ARHGAP28: variants seen among roughly 807,000 people sequenced by gnomAD.
ARHGAP28 encodes the protein rho GTPase-activating protein 28.
In ARHGAP28, 56 loss-of-function variants were observed where a neutral mutation model predicts 90.7. That is an observed-to-expected ratio of 0.62 (90% CI 0.50 to 0.77). The LOEUF (loss-of-function observed/expected upper bound fraction) is 0.77, where lower values mean the gene tolerates loss of function less well. Among genes scored for constraint, ARHGAP28 ranks in the 30% least tolerant of loss-of-function variants. The pLI, the probability that ARHGAP28 is intolerant of heterozygous loss-of-function variation, is 0.00. For missense variants in ARHGAP28, 869 were observed against 900.9 expected (o/e 0.96, Z 0.45); for synonymous variants, 308 against 323.3 (o/e 0.95, Z 0.51).
chr18:6,879,216 G>T (rs539767541), intron 10 of ARHGAP28, among the ~76,000 whole-genome samples: 2 of 152,256 alleles, frequency 1.3e-5, no homozygotes, highest in East Asian at 3.9e-4. Flanking sequence ...AGAAATTTGA[G>T]CCAAACACCG....
At chr18:6,890,592 C>T (rs1116756) in intron 14 of ARHGAP28, 49 bp downstream of exon 14, 675,452 of 1,207,308 alleles carry the variant, frequency 0.56, 190,191 homozygotes, top group East Asian at 0.69. Context: ...TAGATTTGTA[C>T]TCCTCAAAGG....
chr18:6,769,512 T>G (rs2056225756), intron 1 of ARHGAP28, among the ~76,000 whole-genome samples: 1 of 152,244 alleles, frequency 6.6e-6, no homozygotes, highest in African/African-American at 2.4e-5. Flanking sequence ...TTAAGGGATT[T>G]GCATTCATAA....
chr18:6,825,076 T>A, intron 2 of ARHGAP28, 112 bp downstream of exon 2: 1 of 1,004,962 alleles, frequency 1.0e-6, no homozygotes, highest in Non-Finnish European at 1.4e-6. Context: ...AATGAATCAG[T>A]AGAATCTGGC....
At chr18:6,769,750 T>C (rs997189904) in intron 1 of ARHGAP28, among the ~76,000 whole-genome samples, 1 of 152,234 alleles carries the variant, frequency 6.6e-6, no homozygotes, top group Non-Finnish European at 1.5e-5. Context: ...GTACTACAGC[T>C]ATTTCTATGT....
In ARHGAP28 at chr18:6,908,414, C is replaced by T. The variant is rs571239502; in HGVS notation, c.2031-546C>T. 3.1e-3 allele frequency among the ~76,000 whole-genome samples: 477 copies of T among 152,276 alleles called. 13 individuals are homozygous for T. Among genetic ancestry groups the T allele is most frequent in the Non-Finnish European group, 6.9e-4 (47 of 68,024 alleles). ...TCAACCTCCCAAAATGCTAGAATTA[C>T]AGGCATGAGCCACCGTGTCCGGCCG... On this transcript the variant is annotated intron_variant, in intron 16 of 17. Transcript: ENST00000383472.
At chr18:6,894,961 T>G in intron 15 of ARHGAP28, 70 bp downstream of exon 15, 1 of 1,399,382 alleles carries the variant, frequency 7.1e-7, no homozygotes, top group Non-Finnish European at 1.0e-6. Flanking sequence ...ATCCACCACA[T>G]TTATGTATAA....
chr18:6,822,892 A>G (rs1213526689), intron 1 of ARHGAP28, among the ~76,000 whole-genome samples: 3 of 152,184 alleles, frequency 2.0e-5, no homozygotes, highest in African/African-American at 7.2e-5. Context: ...TTTTGCCTCT[A>G]TGTACTCTCA....
At chr18:6,777,599 C>T (rs1305438964) in intron 1 of ARHGAP28, among the ~76,000 whole-genome samples, 1 of 151,928 alleles carries the variant, frequency 6.6e-6, no homozygotes, top group African/African-American at 2.4e-5. Flanking sequence ...GTGGCATTCG[C>T]CTGTAGTTCC....
chr18:6,777,385 C>A (rs879550184), intron 1 of ARHGAP28, among the ~76,000 whole-genome samples: 1 of 152,120 alleles, frequency 6.6e-6, no homozygotes, highest in Non-Finnish European at 1.5e-5. Flanking sequence ...ATGCAGAACA[C>A]AACTTGACAT....
At chr18:6,894,971 A>G in intron 15 of ARHGAP28, 80 bp downstream of exon 15, 2 of 1,336,526 alleles carry the variant, frequency 1.5e-6, no homozygotes, top group South Asian at 2.4e-5. Context: ...TTTATGTATA[A>G]TGTTGGTCAT....
intron 1 of ARHGAP28, among the ~76,000 whole-genome samples, chr18:6,807,169 T>C (rs1405157892): frequency 6.6e-6 from 1 of 152,192 alleles, no homozygotes; most frequent in African/African-American, 2.4e-5. Flanking sequence ...TTAGGGTGTT[T>C]AGAAAATTTT....
intron 1 of ARHGAP28, among the ~76,000 whole-genome samples, chr18:6,798,150 C>T (rs893564648): frequency 1.4e-4 from 22 of 152,074 alleles, no homozygotes; most frequent in African/African-American, 5.1e-4. Flanking sequence ...AAAACACCTC[C>T]ATCTACATAT....
At chr18:6,849,252 C>CAAA (rs35080791) in intron 3 of ARHGAP28, among the ~76,000 whole-genome samples, 3 of 88,246 alleles carry the variant, frequency 3.4e-5, no homozygotes, top group Non-Finnish European at 4.6e-5. Context: ...GACCTTGTCT[C>CAAA]AAAAAAAAAA....
intron 11 of ARHGAP28, among the ~76,000 whole-genome samples, chr18:6,883,139 T>C (rs939016436): frequency 2.6e-5 from 4 of 152,134 alleles, no homozygotes; most frequent in African/African-American, 7.2e-5. Context: ...TCTAGAGACA[T>C]TGACCACTGC....
Position 6,873,448 on chromosome 18 carries a change from GC to G in ARHGAP28, c.995del (p.Ala332GlufsTer9), listed in dbSNP as rs2057105410. Reference sequence around the variant, plus strand: ...GAAAACCAGATTTGGCTTAACTGAAGCAGGAGATCTGTCTGCTGAAGACATG... The same window carrying G: ...GAAAACCAGATTTGGCTTAACTGAAGAGGAGATCTGTCTGCTGAAGACATG... The part of the protein sequence containing the change: ...VQKTRFGLTE[A>X]GDLSAEDMKK... On this transcript the variant is annotated frameshift_variant, in exon 8 of 18. Transcript: ENST00000383472. LOFTEE classifies it high-confidence loss of function. The G allele has an allele frequency of 6.2e-7, 1 of 1,612,572 alleles. No individual in the cohort carries two copies. Among genetic ancestry groups the G allele is most frequent in the Non-Finnish European group, 8.5e-7 (1 of 1,179,716 alleles).
chr18:6,906,782 C>T (rs1001133920), intron 16 of ARHGAP28, among the ~76,000 whole-genome samples: 1 of 152,048 alleles, frequency 6.6e-6, no homozygotes, highest in African/African-American at 2.4e-5. Context: ...GATAAATTGA[C>T]CTCACCAAAA....
At chr18:6,820,554 A>G (rs1251065558) in intron 1 of ARHGAP28, among the ~76,000 whole-genome samples, 1 of 152,240 alleles carries the variant, frequency 6.6e-6, no homozygotes, top group Non-Finnish European at 1.5e-5. Context: ...TAGCCCACAG[A>G]TTGAAGCTCA....
At chr18:6,781,427 G>A (rs1292233376) in intron 1 of ARHGAP28, among the ~76,000 whole-genome samples, 2 of 152,200 alleles carry the variant, frequency 1.3e-5, no homozygotes, top group Non-Finnish European at 2.9e-5. Flanking sequence ...GTCAGGCTCT[G>A]AGAATCAATC....
chr18:6,812,563 CTAAGATGACAG>C (rs1170261615), intron 1 of ARHGAP28, among the ~76,000 whole-genome samples: 1 of 152,150 alleles, frequency 6.6e-6, no homozygotes, highest in Non-Finnish European at 1.5e-5. Context: ...CTTCACCTGA[CTAAGATGACAG>C]AAAATAAATT....
Sources: allele counts gnomAD v4.1 joint callset (sites outside exome capture counted in the v4.1 genomes callset), GRCh38; gene constraint gnomAD v4.1.1; transcripts MANE v1.5; gene names NCBI Gene and HGNC (gene_info 2026-07-23, HGNC 2026-07-21).